PECR: variants seen among roughly 807,000 people sequenced by gnomAD.
PECR encodes peroxisomal trans-2-enoyl-CoA reductase.
In PECR, 30 loss-of-function variants were observed where a neutral mutation model predicts 35.3. The ratio of observed to expected loss-of-function variants is 0.85; its 90% CI spans 0.64 to 1.15. The LOEUF (loss-of-function observed/expected upper bound fraction) is 1.15. PECR is among the 50% of genes most tolerant of loss of function. The probability of loss-of-function intolerance (pLI) is 0.00; values close to 1 mark genes in which losing one functional copy is unlikely to be tolerated. For synonymous variants in PECR, 148 were observed against 138.9 expected (o/e 1.07, Z -0.46); for missense variants, 392 against 370.8 (o/e 1.06, Z -0.47).
At chr2:216,069,459 C>T (rs763973650) in intron 1 of PECR, among the ~76,000 whole-genome samples, 9 of 152,070 alleles carry the variant, frequency 5.9e-5, no homozygotes, top group Non-Finnish European at 1.0e-4. Context: ...ACACTGGAAG[C>T]GAAATTAGAA....
chr2:216,047,400 A>G (rs991472853), intron 6 of PECR, among the ~76,000 whole-genome samples: 8 of 152,246 alleles, frequency 5.3e-5, no homozygotes, highest in Non-Finnish European at 1.2e-4. Flanking sequence ...GCTTGCTTTT[A>G]TAATTATCAC....
chr2:216,045,887 C>T (rs891718449), intron 6 of PECR, among the ~76,000 whole-genome samples: 1 of 152,182 alleles, frequency 6.6e-6, no homozygotes, highest in African/African-American at 2.4e-5. Flanking sequence ...CTCAAAAACA[C>T]AAAAAACCGG....
intron 3 of PECR, 152 bp from the exon 4 acceptor site, chr2:216,059,128 TA>T (rs1320779130): frequency 2.1e-5 from 14 of 674,164 alleles, no homozygotes; most frequent in Admixed American, 2.3e-5. Flanking sequence ...TTATACATCA[TA>T]AAATTCATCT....
rs62181302 is a variant in PECR at position 216,046,308 on chromosome 2, A to T, written c.715-2293T>A. ...TATATACATACATATATATATATAT[A>T]TATTTTTTTTTTTTTTTTTTTTGAG... On this transcript the variant is annotated intron_variant, in intron 6 of 7. Transcript: ENST00000265322. 2.1e-3 allele frequency among the ~76,000 whole-genome samples: 233 copies of T among 112,028 alleles called. 1 individual carries two copies. The highest frequency in any genetic ancestry group is 8.4e-3 in the African/African-American group (198 of 23,460). The allele number at this position is 112,028 out of a possible 152,430, so 73.5% of individuals were successfully genotyped here.
chr2:216,043,059 G>T lies in PECR; in HGVS notation c.826+845C>A, dbSNP rs889908039. ...TATGTGTATATATATATACACATAC[G>T]TATATATGTATGTATATATATACAC... On this transcript the variant is annotated intron_variant, in intron 7 of 7. Transcript: ENST00000265322. 3.9e-5 allele frequency among the ~76,000 whole-genome samples: 3 copies of T among 76,004 alleles called. 1 individual carries two copies. Among genetic ancestry groups the T allele is most frequent in the Non-Finnish European group, 7.5e-5 (3 of 40,010 alleles). The allele number at this position is 76,004 out of a possible 152,430, so 49.9% of individuals were successfully genotyped here.
intron 3 of PECR, 129 bp downstream of exon 3, chr2:216,065,183 C>T (rs1417246139): frequency 5.2e-6 from 4 of 770,786 alleles, no homozygotes; most frequent in African/African-American, 3.4e-5. Flanking sequence ...TACCAATTTA[C>T]ATTCCTATGT....
In PECR at chr2:216,070,524, G is replaced by A. The variant is rs555265392; in HGVS notation, c.125-4006C>T. Reference sequence around the variant, plus strand: ...ACTGCCATGGTTACTACTTGAGACCGTCACTACGACAGTTACTACTGTTAC... The same window carrying A: ...ACTGCCATGGTTACTACTTGAGACCATCACTACGACAGTTACTACTGTTAC... On this transcript the variant is annotated intron_variant, in intron 1 of 7. Transcript: ENST00000265322. Among the ~76,000 whole-genome samples the A allele has an allele frequency of 3.0e-3, 459 of 152,226 alleles. 1 individual carries two copies. The highest frequency in any genetic ancestry group is 5.3e-3 in the Non-Finnish European group (359 of 68,006).
At chr2:216,072,507 C>T (rs923858264) in intron 1 of PECR, among the ~76,000 whole-genome samples, 1 of 152,108 alleles carries the variant, frequency 6.6e-6, no homozygotes, top group African/African-American at 2.4e-5. Context: ...TTTTTCAACC[C>T]TCACTCCCCT....
At chr2:216,078,294 G>A (rs578188655) in intron 1 of PECR, among the ~76,000 whole-genome samples, 5 of 152,068 alleles carry the variant, frequency 3.3e-5, no homozygotes, top group African/African-American at 7.2e-5. Flanking sequence ...TGACAATGTC[G>A]TGGAAATAGC....
chr2:216,050,432 T>C (rs1695086443), intron 5 of PECR, among the ~76,000 whole-genome samples: 1 of 152,136 alleles, frequency 6.6e-6, no homozygotes, highest in Non-Finnish European at 1.5e-5. Context: ...GAGGATAAAA[T>C]CTAGAAGTAT....
At chr2:216,046,063 A>C (rs1021711667) in intron 6 of PECR, among the ~76,000 whole-genome samples, 2 of 151,408 alleles carry the variant, frequency 1.3e-5, no homozygotes, top group African/African-American at 4.9e-5. Flanking sequence ...TGTTAATCCC[A>C]GCTACTCAGG....
chr2:216,037,649 A>T (rs1694816182), downstream of PECR, among the ~76,000 whole-genome samples: 1 of 152,128 alleles, frequency 6.6e-6, no homozygotes, highest in Admixed American at 6.6e-5. Flanking sequence ...CAAACCTGAC[A>T]ATGGAGAATA....
chr2:216,070,483 T>C (rs902099144), intron 1 of PECR, among the ~76,000 whole-genome samples: 3 of 152,244 alleles, frequency 2.0e-5, no homozygotes, highest in African/African-American at 7.2e-5. Flanking sequence ...ATTTTTTTCA[T>C]GTCCCTCTGT....
chr2:216,056,295 A>G (rs1695224136), intron 4 of PECR, among the ~76,000 whole-genome samples: 3 of 152,290 alleles, frequency 2.0e-5, no homozygotes, highest in Non-Finnish European at 4.4e-5. Context: ...CTCCTCTTCT[A>G]TTGTAGAGGA....
Position 216,038,508 on chromosome 2 carries a change from C to T in PECR, c.*767G>A, listed in dbSNP as rs1423444047. 2.0e-5 allele frequency: 3 copies of T among 152,160 alleles called. No individual in the cohort carries two copies. The highest frequency in any genetic ancestry group is 4.4e-5 in the Non-Finnish European group (3 of 68,038). 9.4% of individuals were successfully genotyped at this position (152,160 alleles called of 1,614,324 possible). On this transcript the variant is annotated 3_prime_UTR_variant, in exon 8 of 8. Transcript: ENST00000265322. ...ATTATTGCTCCTAAAGTATTTGCCA[C>T]CAAAAATAAGTCATTGTATAATTCT...
At chr2:216,031,612 AAAAG>A (rs1440965314) in intron 7 of PECR, among the ~76,000 whole-genome samples, 12 of 149,636 alleles carry the variant, frequency 8.0e-5, no homozygotes, top group Non-Finnish European at 1.3e-4. Flanking sequence ...AAGAAGGAAG[AAAAG>A]AAAGAAAGGA....
chr2:216,048,667 G>A (rs1242521829), intron 6 of PECR, among the ~76,000 whole-genome samples: 1 of 151,720 alleles, frequency 6.6e-6, no homozygotes, highest in Non-Finnish European at 1.5e-5. Flanking sequence ...CCAAGATCGC[G>A]CCACTGCACT....
chr2:216,049,311 T>C lies in PECR; in HGVS notation c.666A>G (p.Glu222=), dbSNP rs767475010. 6.2e-7 allele frequency: 1 copy of C among 1,605,290 alleles called. No homozygotes were observed. The change falls in exon 6 of 8, where the codon GAA becomes GAG. Residue 222 remains glutamate (E), a synonymous_variant. Transcript: ENST00000265322. The stretch of plus-strand genomic sequence containing the variant: ...TAGCGGGGATTTTCTGAAAAGACCC[T>C]TCAAAGAAGCTTTGTCCCCAGGAAC... ...NYGSWGQSFF[E]GSFQKIPAKR...
At chr2:216,046,323 T>TTGTTTTG (rs1405077446) in intron 6 of PECR, among the ~76,000 whole-genome samples, 16 of 140,202 alleles carry the variant, frequency 1.1e-4, no homozygotes, top group African/African-American at 4.2e-4. Context: ...TTTTTTTTTT[T>TTGTTTTG]TTTTTTTGAG....
Sources: gnomAD v4.1 joint callset for allele counts (sites outside exome capture counted in the v4.1 genomes callset) on GRCh38, gnomAD v4.1.1 for gene constraint, MANE v1.5 for transcripts, NCBI Gene and HGNC (gene_info 2026-07-23, HGNC 2026-07-21) for gene names.